The following XPOT variants were observed in gnomAD, a reference collection of about 807,000 sequenced individuals.
The protein encoded by XPOT is exportin-T.
XPOT carries 34 observed loss-of-function variants against 128.2 expected under a neutral mutation model. The ratio of observed to expected loss-of-function variants is 0.27; its 90% confidence interval spans 0.20 to 0.35. XPOT has a LOEUF of 0.35. XPOT is among the 10% of genes least tolerant of loss of function. The probability of loss-of-function intolerance (pLI) is 1.00; values close to 1 mark genes in which losing one functional copy is unlikely to be tolerated. For missense variants in XPOT, 838 were observed against 1,125.3 expected (o/e 0.74, Z 3.65); for synonymous variants, 348 against 394.3 (o/e 0.88, Z 1.39).
intron 16 of XPOT, 99 bp downstream of exon 16, chr12:64,428,219 G>A (rs2040209344): frequency 1.3e-6 from 1 of 778,084 alleles, no homozygotes; most frequent in Non-Finnish European, 2.1e-6. Flanking sequence ...AAAAATTGGT[G>A]GTGGAGGGAA....
rs1167588899 is a variant in XPOT, at chr12:64,450,844, T to G, written c.*2713T>G. 1 of 152,244 alleles carries G rather than the reference T, an allele frequency of 6.6e-6. No individual in the cohort carries two copies. Among genetic ancestry groups the G allele is most frequent in the Non-Finnish European group, 1.5e-5 (1 of 68,032 alleles). The allele number at this position is 152,244 out of a possible 1,614,324, so 9.4% of individuals were successfully genotyped here. On this transcript the variant is annotated 3_prime_UTR_variant, in exon 25 of 25. Coordinates refer to ENST00000332707, the MANE Select transcript of XPOT (RefSeq NM_007235.6). ...AACAGTTTAAATCTTAATGCTAATG[T>G]TAATTGCTTCCCAGTTGGTTGACCT...
At chr12:64,430,364 A>AT in intron 17 of XPOT, 77 bp downstream of exon 17, 1 of 1,173,594 alleles carries the variant, frequency 8.5e-7, no homozygotes, top group Non-Finnish European at 1.2e-6. Context: ...GGGCACACAC[A>AT]TTTGTGTTTC....
chr12:64,410,286 CAAACA>C (rs2040025642), intron 2 of XPOT, among the ~76,000 whole-genome samples, 191 bp downstream of exon 2: 1 of 152,080 alleles, frequency 6.6e-6, no homozygotes, highest in African/African-American at 2.4e-5. Flanking sequence ...TTTACTTGGC[CAAACA>C]AAAGTATTAA....
chr12:64,443,774 G>GT (rs1290510075), intron 23 of XPOT, among the ~76,000 whole-genome samples: 6 of 152,074 alleles, frequency 3.9e-5, no homozygotes, highest in African/African-American at 7.2e-5. Context: ...TTTTTTTGAA[G>GT]TTTTTATAAT....
At chr12:64,436,172 G>T (rs946073609) in intron 22 of XPOT, among the ~76,000 whole-genome samples, 9 of 152,100 alleles carry the variant, frequency 5.9e-5, no homozygotes, top group African/African-American at 1.9e-4. Context: ...GGCCAGGGTG[G>T]TCTCGAACTC....
chr12:64,427,966 A>T lies in XPOT; in HGVS notation c.1668-85A>T. ...CTAGCCTACAACTGAACTTTTTTTT[A>T]GTTCTGTCTTAAAGGGGGAATTTGG... On this transcript the variant is annotated intron_variant, in intron 15 of 24. Coordinates refer to ENST00000332707, the MANE Select transcript of XPOT (RefSeq NM_007235.6). The T allele has an allele frequency of 1.0e-5, 9 of 890,586 alleles. No individual in the cohort carries two copies. The Admixed American group carries it at 1.5e-4, about 15-fold the overall frequency. The allele number at this position is 890,586 out of a possible 1,614,324, so 55.2% of individuals were successfully genotyped here.
At position 64,426,477 on chromosome 12, in the gene XPOT, G is replaced by T. The variant is rs2040193858; in HGVS notation, c.1667+568G>T. ...ATGCCACATGTTCTCACTTATAAGT[G>T]AGAGCTAAATCTTGGGTACACACAG... On this transcript the variant is annotated intron_variant, in intron 15 of 24. Transcript: ENST00000332707. Among the ~76,000 whole-genome samples the T allele has an allele frequency of 1.3e-5, 2 of 152,076 alleles. 1 individual carries two copies. Among genetic ancestry groups the T allele is most frequent in the Admixed American group, 1.3e-4 (2 of 15,266 alleles).
intron 23 of XPOT, among the ~76,000 whole-genome samples, chr12:64,442,302 T>G (rs974483426): frequency 2.6e-5 from 4 of 152,054 alleles, no homozygotes; most frequent in Non-Finnish European, 5.9e-5. Context: ...CCATGCCTAA[T>G]TTTTGTATTT....
intron 1 of XPOT, among the ~76,000 whole-genome samples, chr12:64,405,853 C>G (rs1323664912): frequency 6.6e-6 from 1 of 151,970 alleles, no homozygotes; most frequent in Non-Finnish European, 1.5e-5. Context: ...CTTGACCTCG[C>G]GATCCGCCCG....
chr12:64,423,089 C>G (rs1416332865), intron 10 of XPOT, 46 bp downstream of exon 10: 1 of 1,603,780 alleles, frequency 6.2e-7, no homozygotes, highest in South Asian at 1.1e-5. Context: ...GATTTTTAGT[C>G]TGTAATTTGC....
At chr12:64,421,597 T>A in intron 9 of XPOT, 126 bp downstream of exon 9, 3 of 645,480 alleles carry the variant, frequency 4.6e-6, no homozygotes, top group Non-Finnish European at 8.0e-6. Context: ...TATTTACTGT[T>A]AAATACTAAT....
chr12:64,441,832 G>T (rs1253709216), intron 23 of XPOT, among the ~76,000 whole-genome samples: 2 of 151,958 alleles, frequency 1.3e-5, no homozygotes, highest in Non-Finnish European at 2.9e-5. Context: ...GGGATTACAG[G>T]CAGGCACCAC....
intron 16 of XPOT, among the ~76,000 whole-genome samples, chr12:64,428,518 T>C (rs1046005786): frequency 3.9e-5 from 6 of 152,142 alleles, no homozygotes; most frequent in Non-Finnish European, 7.4e-5. Context: ...TAGCAGCTGC[T>C]ACTGTTAGAT....
rs2040238712 is a variant in XPOT, at chr12:64,431,561, A to G, written c.2000A>G (p.Asn667Ser). Residue 667 changes from asparagine (N) to serine (S), a missense_variant, in exon 18 of 25, where the codon AAC (asparagine) becomes AGC (serine). By Grantham distance (46) the Asn-to-Ser change is conservative. Coordinates refer to ENST00000332707, the MANE Select transcript of XPOT (RefSeq NM_007235.6). The stretch of plus-strand genomic sequence containing the variant: ...AGTCGAACCAGTAAAGCTTTCAGCA[A>G]CAAACAGACTGTGAAACAATGTGGC... ...FASRTSKAFS[N>S]KQTVKQCGCS... 1 of 1,613,852 alleles carries G rather than the reference A, an allele frequency of 6.2e-7. No homozygotes were observed. Among genetic ancestry groups the G allele is most frequent in the Non-Finnish European group, 8.5e-7 (1 of 1,179,746 alleles).
At position 64,406,807 on chromosome 12, in the gene XPOT, C is replaced by T. The variant is rs150697237; in HGVS notation, c.-75+2003C>T. On this transcript the variant is annotated intron_variant, in intron 1 of 24. Coordinates refer to ENST00000332707, the MANE Select transcript of XPOT (RefSeq NM_007235.6). ...TTCAGGGGAATGGACATCAGATTTT[C>T]TTAACATTTAGGGGGCGAAGGGAAC... Among the ~76,000 whole-genome samples the T allele has an allele frequency of 4.8e-3, 729 of 152,216 alleles. 5 individuals are homozygous for T. The highest frequency in any genetic ancestry group is 0.016 in the African/African-American group (685 of 41,546).
chr12:64,432,034 A>G (rs1401087011), intron 18 of XPOT, among the ~76,000 whole-genome samples: 2 of 152,188 alleles, frequency 1.3e-5, no homozygotes, highest in East Asian at 3.8e-4. Flanking sequence ...GAATATAAAC[A>G]GACCCTAACC....
In XPOT at chr12:64,426,709, G is replaced by A. The variant is rs560404900; in HGVS notation, c.1667+800G>A. 6.6e-5 allele frequency among the ~76,000 whole-genome samples: 10 copies of A among 152,290 alleles called. 1 individual carries two copies. Among genetic ancestry groups the A allele is most frequent in the Admixed American group, 2.0e-4 (3 of 15,304 alleles). ...TTTAAAATGAAGATGGAGGCCTGGC[G>A]CGGTGGCCCACGCCTGTAATCCCAG... is the stretch of plus-strand genomic sequence containing the variant. On this transcript the variant is annotated intron_variant, in intron 15 of 24. Coordinates refer to ENST00000332707, the MANE Select transcript of XPOT (RefSeq NM_007235.6).
intron 4 of XPOT, 105 bp from the exon 5 acceptor site, chr12:64,417,941 T>G: frequency 1.3e-6 from 1 of 767,400 alleles, no homozygotes; most frequent in Non-Finnish European, 2.1e-6. Context: ...TTCAGATAAT[T>G]GAGAGCTATA....
intron 18 of XPOT, 101 bp downstream of exon 18, chr12:64,431,924 T>C (rs1171386852): frequency 1.1e-5 from 14 of 1,229,282 alleles, no homozygotes; most frequent in East Asian, 4.7e-5. Context: ...TTTTTTTGCT[T>C]TTAATGAATT....
Sources: allele counts gnomAD v4.1 joint callset (sites outside exome capture counted in the v4.1 genomes callset), GRCh38; gene constraint gnomAD v4.1.1; transcripts MANE v1.5; gene names NCBI Gene and HGNC (gene_info 2026-07-23, HGNC 2026-07-21).